GPATCH2: variants seen among roughly 807,000 people sequenced by gnomAD.
GPATCH2 encodes the protein G-patch domain containing 2, also known as G patch domain-containing protein 2.
GPATCH2 carries 51 observed loss-of-function variants against 58.0 expected under a neutral mutation model. That is an observed-to-expected ratio of 0.88 (90% CI 0.70 to 1.11). GPATCH2 has a LOEUF of 1.11. Ranked by LOEUF, GPATCH2 falls within the 50% of genes most tolerant of loss-of-function variation. The pLI, the probability that GPATCH2 is intolerant of heterozygous loss-of-function variation, is 0.00. For missense variants in GPATCH2, 625 were observed against 652.2 expected (o/e 0.96, Z 0.45); for synonymous variants, 222 against 218.5 (o/e 1.02, Z -0.14).
At chr1:217,474,857 C>A (rs1261063869) in intron 8 of GPATCH2, among the ~76,000 whole-genome samples, 2 of 151,608 alleles carry the variant, frequency 1.3e-5, no homozygotes, top group Non-Finnish European at 2.9e-5. Context: ...AGTCACTCAT[C>A]CAAAAGGGGT....
intron 5 of GPATCH2, among the ~76,000 whole-genome samples, chr1:217,552,726 A>T (rs918432929): frequency 3.3e-5 from 5 of 152,196 alleles, no homozygotes; most frequent in Non-Finnish European, 7.4e-5. Flanking sequence ...GTCTACAGAG[A>T]TGAAATACAA....
chr1:217,531,464 T>C (rs960300421), intron 5 of GPATCH2, among the ~76,000 whole-genome samples: 2 of 152,176 alleles, frequency 1.3e-5, no homozygotes, highest in Non-Finnish European at 2.9e-5. Flanking sequence ...CTTTCAAAAA[T>C]CTGGATATGG....
chr1:217,622,405 G>A (rs1345189850), intron 1 of GPATCH2, among the ~76,000 whole-genome samples: 4 of 152,182 alleles, frequency 2.6e-5, no homozygotes, highest in Admixed American at 2.0e-4. Context: ...TGGGCATTCT[G>A]AATGTATTTA....
intron 5 of GPATCH2, among the ~76,000 whole-genome samples, chr1:217,596,326 T>C (rs571703641): frequency 2.0e-5 from 3 of 152,312 alleles, no homozygotes; most frequent in Admixed American, 6.5e-5. Context: ...ATATATATTT[T>C]ACCCTTACAA....
chr1:217,556,444 T>C (rs999649931), intron 5 of GPATCH2, among the ~76,000 whole-genome samples: 2 of 152,226 alleles, frequency 1.3e-5, no homozygotes, highest in African/African-American at 4.8e-5. Flanking sequence ...TCTTTAAACT[T>C]TTTATAAATA....
chr1:217,572,764 T>C (rs1380822607), intron 5 of GPATCH2, among the ~76,000 whole-genome samples: 4 of 152,216 alleles, frequency 2.6e-5, no homozygotes, highest in Non-Finnish European at 5.9e-5. Flanking sequence ...TTAATTGATC[T>C]AAGATGAGGC....
intron 8 of GPATCH2, among the ~76,000 whole-genome samples, chr1:217,489,632 G>C (rs929902540): frequency 6.6e-6 from 1 of 152,216 alleles, no homozygotes; most frequent in Non-Finnish European, 1.5e-5. Flanking sequence ...GGAGGCCAAG[G>C]CAAGCAGATC....
intron 6 of GPATCH2, among the ~76,000 whole-genome samples, chr1:217,502,471 T>C (rs1202632310): frequency 6.6e-6 from 1 of 152,106 alleles, no homozygotes; most frequent in Non-Finnish European, 1.5e-5. Context: ...TGTTCAAATA[T>C]TCAATAAAGT....
At chr1:217,473,267 C>T (rs556620537) in intron 8 of GPATCH2, among the ~76,000 whole-genome samples, 31 of 148,116 alleles carry the variant, frequency 2.1e-4, no homozygotes, top group Non-Finnish European at 3.6e-4. Flanking sequence ...TGCATTGCCT[C>T]AAGGTTTAGT....
At chr1:217,571,698 G>T (rs997786096) in intron 5 of GPATCH2, among the ~76,000 whole-genome samples, 1 of 33,050 alleles carries the variant, frequency 3.0e-5, no homozygotes, top group East Asian at 1.6e-3. Flanking sequence ...GAACAAAAAC[G>T]AAACCAAAAA....
chr1:217,626,684 C>T (rs1418417357), intron 1 of GPATCH2, among the ~76,000 whole-genome samples: 1 of 152,068 alleles, frequency 6.6e-6, no homozygotes, highest in African/African-American at 2.4e-5. Flanking sequence ...CTTATCTCAA[C>T]CTAGGAATCT....
intron 5 of GPATCH2, among the ~76,000 whole-genome samples, chr1:217,543,269 G>GTTTTT (rs397860651): frequency 5.7e-5 from 6 of 105,702 alleles, no homozygotes; most frequent in Non-Finnish European, 1.2e-4. Flanking sequence ...TGATGCGAAC[G>GTTTTT]TTTTTTTTTT....
chr1:217,524,111 T>TCG, intron 5 of GPATCH2, among the ~76,000 whole-genome samples: 1 of 145,410 alleles, frequency 6.9e-6, no homozygotes, highest in East Asian at 2.1e-4. Flanking sequence ...ACGGGGTGGC[T>TCG]GCCGGGCAGA....
chr1:217,479,294 T>A (rs747998377), intron 8 of GPATCH2, among the ~76,000 whole-genome samples: 1 of 152,102 alleles, frequency 6.6e-6, no homozygotes, highest in Non-Finnish European at 1.5e-5. Flanking sequence ...AAATGATGAA[T>A]GAATAAAAAA....
intron 5 of GPATCH2, among the ~76,000 whole-genome samples, chr1:217,537,488 G>A (rs1447762724): frequency 1.3e-5 from 2 of 152,076 alleles, no homozygotes; most frequent in Non-Finnish European, 2.9e-5. Flanking sequence ...GCTTTGCACT[G>A]ACAACAGGTA....
intron 5 of GPATCH2, among the ~76,000 whole-genome samples, chr1:217,517,338 T>C (rs576951311): frequency 1.3e-5 from 2 of 152,238 alleles, no homozygotes; most frequent in African/African-American, 4.8e-5. Flanking sequence ...AAGCAACATA[T>C]AATGATCTCT....
chr1:217,618,493 C>T (rs576542843), intron 2 of GPATCH2, among the ~76,000 whole-genome samples: 1 of 152,188 alleles, frequency 6.6e-6, no homozygotes, highest in South Asian at 2.1e-4. Context: ...AAGGCATGAG[C>T]CGCCATGCTC....
chr1:217,512,571 T>C (rs1348756622), intron 6 of GPATCH2, among the ~76,000 whole-genome samples: 1 of 152,226 alleles, frequency 6.6e-6, no homozygotes, highest in Non-Finnish European at 1.5e-5. Context: ...CTGGAGGCCA[T>C]GGCTTTGAAC....
intron 5 of GPATCH2, among the ~76,000 whole-genome samples, chr1:217,548,484 G>T (rs990578885): frequency 1.3e-5 from 2 of 152,150 alleles, no homozygotes; most frequent in Admixed American, 1.3e-4. Flanking sequence ...CGCAAAATCA[G>T]AAATCTCAGT....
Sources: gnomAD v4.1 joint callset for allele counts (sites outside exome capture counted in the v4.1 genomes callset) on GRCh38, gnomAD v4.1.1 for gene constraint, MANE v1.5 for transcripts, NCBI Gene and HGNC (gene_info 2026-07-23, HGNC 2026-07-21) for gene names.